COX16: variants seen among roughly 807,000 people sequenced by gnomAD.
COX16 encodes the protein cytochrome c oxidase assembly factor COX16.
COX16 carries 12 observed loss-of-function variants against 15.4 expected under a neutral mutation model. That is an observed-to-expected ratio of 0.78 (90% CI 0.50 to 1.26). The LOEUF is 1.26. COX16 is among the 50% of genes most tolerant of loss of function. COX16 has a pLI of 0.00. For synonymous variants in COX16, 46 were observed against 41.1 expected (o/e 1.12, Z -0.46); for missense variants, 124 against 127.6 (o/e 0.97, Z 0.14).
intron 2 of COX16, among the ~76,000 whole-genome samples, chr14:70,336,884 A>G (rs1470244591): frequency 6.6e-6 from 1 of 152,228 alleles, no homozygotes; most frequent in Non-Finnish European, 1.5e-5. Context: ...AATAATGTCA[A>G]AGTAATTTGC....
intron 1 of COX16, among the ~76,000 whole-genome samples, chr14:70,345,544 G>A (rs1040156867): frequency 2.0e-5 from 3 of 152,070 alleles, no homozygotes; most frequent in Admixed American, 6.5e-5. Flanking sequence ...CAAGATATTC[G>A]CTCTAAGTAC....
At chr14:70,355,431 T>C (rs927896621) in intron 1 of COX16, among the ~76,000 whole-genome samples, 3 of 152,188 alleles carry the variant, frequency 2.0e-5, no homozygotes, top group Admixed American at 6.5e-5. Context: ...TCACTTATTT[T>C]GTAATCTTAA....
chr14:70,355,179 T>G (rs1887089581), intron 1 of COX16, among the ~76,000 whole-genome samples: 1 of 152,226 alleles, frequency 6.6e-6, no homozygotes, highest in South Asian at 2.1e-4. Context: ...TACTCTCTCT[T>G]AGATCCATTC....
intron 1 of COX16, among the ~76,000 whole-genome samples, chr14:70,346,510 G>T (rs1886787187): frequency 6.6e-6 from 1 of 152,194 alleles, no homozygotes; most frequent in Non-Finnish European, 1.5e-5. Context: ...ACTGTGAGCG[G>T]CCCCTGCAAG....
intron 2 of COX16, among the ~76,000 whole-genome samples, chr14:70,341,484 G>T (rs1011116841): frequency 1.3e-5 from 2 of 152,116 alleles, no homozygotes; most frequent in African/African-American, 4.8e-5. Context: ...ATAAACAAAA[G>T]CTATGTACTT....
At chr14:70,357,934 C>G (rs1450165911) in intron 1 of COX16, among the ~76,000 whole-genome samples, 1 of 152,038 alleles carries the variant, frequency 6.6e-6, no homozygotes, top group Non-Finnish European at 1.5e-5. Flanking sequence ...CCACACAAAG[C>G]GTGTACATAA....
rs114252471 is a variant in COX16 at position 70,356,939 on chromosome 14, A to T, written c.69+2580T>A. ...TCTCACCCCTCCACCCAAGCTCCGT[A>T]ACAACCATGAAAACCAACAGCCTGC... is the stretch of plus-strand genomic sequence containing the variant. On this transcript the variant is annotated intron_variant, in intron 1 of 3. Transcript: ENST00000389912. Among the ~76,000 whole-genome samples the T allele has an allele frequency of 8.2e-3, 1,241 of 152,154 alleles. 12 individuals are homozygous for T. Among genetic ancestry groups the T allele is most frequent in the African/African-American group, 0.028 (1,180 of 41,490 alleles).
At chr14:70,337,149 A>G (rs1886480348) in intron 2 of COX16, among the ~76,000 whole-genome samples, 1 of 152,194 alleles carries the variant, frequency 6.6e-6, no homozygotes, top group Non-Finnish European at 1.5e-5. Flanking sequence ...AACATGCAAC[A>G]GTTTTGAAAT....
At chr14:70,358,784 C>T (rs1033278750) in intron 1 of COX16, among the ~76,000 whole-genome samples, 7 of 152,140 alleles carry the variant, frequency 4.6e-5, no homozygotes, top group Non-Finnish European at 1.0e-4. Flanking sequence ...AATCAAAAAG[C>T]AAATAAGAGT....
At chr14:70,351,030 A>G (rs1234439152) in intron 1 of COX16, among the ~76,000 whole-genome samples, 1 of 152,252 alleles carries the variant, frequency 6.6e-6, no homozygotes, top group Admixed American at 6.5e-5. Flanking sequence ...AAAGAAGAAA[A>G]TAATATTTTC....
chr14:70,329,322 G>GA, intron 2 of COX16, 86 bp from the exon 3 acceptor site: 2 of 1,185,584 alleles, frequency 1.7e-6, no homozygotes, highest in South Asian at 3.1e-5. Context: ...AGAGATGGCT[G>GA]AAATACTATA....
chr14:70,357,158 C>CAAAAAAAAAAAAAA lies in COX16; in HGVS notation c.69+2347_69+2360dup, dbSNP rs4048531. On this transcript the variant is annotated intron_variant, in intron 1 of 3. Coordinates refer to ENST00000389912, the MANE Select transcript of COX16 (RefSeq NM_016468.7). ...CAGACTTCTCCTAGGAAGCGTTTGT[C>CAAAAAAAAAAAAAA]AAAAAAAAAAAAAAAAAAAAAAAAA... is the stretch of plus-strand genomic sequence containing the variant. 1.1e-4 allele frequency among the ~76,000 whole-genome samples: 9 copies of CAAAAAAAAAAAAAA among 78,704 alleles called. 1 individual carries two copies. The highest frequency in any genetic ancestry group is 1.7e-4 in the Non-Finnish European group (7 of 41,430). 51.6% of individuals were successfully genotyped at this position (78,704 alleles called of 152,430 possible). A position where few individuals can be genotyped will look rare whatever the true frequency, so the allele number is the denominator to read the frequency against.
chr14:70,327,989 T>C (rs1000949109), intron 3 of COX16, among the ~76,000 whole-genome samples: 2 of 152,086 alleles, frequency 1.3e-5, no homozygotes, highest in African/African-American at 4.8e-5. Context: ...ACCTTTCTTT[T>C]AACATTTTGT....
intron 2 of COX16, among the ~76,000 whole-genome samples, chr14:70,336,599 T>C (rs1380741885): frequency 6.6e-6 from 1 of 152,210 alleles, no homozygotes; most frequent in Non-Finnish European, 1.5e-5. Flanking sequence ...ACAAGTTAAC[T>C]TCCTCATATG....
At chr14:70,337,727 T>C (rs934545937) in intron 2 of COX16, among the ~76,000 whole-genome samples, 1 of 152,144 alleles carries the variant, frequency 6.6e-6, no homozygotes, top group African/African-American at 2.4e-5. Context: ...AAATATGGCA[T>C]CATAGAAGAT....
intron 2 of COX16, among the ~76,000 whole-genome samples, chr14:70,332,177 A>G (rs1380058843): frequency 1.3e-5 from 2 of 152,234 alleles, no homozygotes; most frequent in Non-Finnish European, 2.9e-5. Context: ...GCCTGATGAT[A>G]TTGGTCTTGA....
chr14:70,347,178 G>C (rs1886809149), intron 1 of COX16, among the ~76,000 whole-genome samples: 1 of 151,862 alleles, frequency 6.6e-6, no homozygotes, highest in African/African-American at 2.4e-5. Context: ...ATTTCTCGCC[G>C]CCTCACCAGT....
chr14:70,346,381 T>C (rs1438199639), intron 1 of COX16, among the ~76,000 whole-genome samples: 1 of 152,222 alleles, frequency 6.6e-6, no homozygotes, highest in Non-Finnish European at 1.5e-5. Context: ...CCTAGCAACC[T>C]ACCTCCACTT....
chr14:70,359,132 TGGG>T (rs1887218469), intron 1 of COX16: 1 of 458,212 alleles, frequency 2.2e-6, no homozygotes. Flanking sequence ...ATAGCTAAGT[TGGG>T]GGCGAGGAAG....
Sources: gnomAD v4.1 joint callset for allele counts (sites outside exome capture counted in the v4.1 genomes callset) on GRCh38, gnomAD v4.1.1 for gene constraint, MANE v1.5 for transcripts, NCBI Gene and HGNC (gene_info 2026-07-23, HGNC 2026-07-21) for gene names.